The following PIK3CD variants were observed in gnomAD, a reference collection of about 807,000 sequenced individuals.
The protein encoded by PIK3CD is phosphatidylinositol-4,5-bisphosphate 3-kinase catalytic subunit delta.
In PIK3CD, 20 loss-of-function variants were observed where a neutral mutation model predicts 122.9. The ratio of observed to expected loss-of-function variants is 0.16; its 90% CI spans 0.11 to 0.24. PIK3CD has a LOEUF of 0.24. Among genes scored for constraint, PIK3CD ranks in the 10% least tolerant of loss-of-function variants. The pLI is 1.00. For missense variants in PIK3CD, 787 were observed against 1,406.3 expected (o/e 0.56, Z 7.04); for synonymous variants, 596 against 593.4 (o/e 1.00, Z -0.06).
At chr1:9,657,424 G>T (rs1430136614) in intron 1 of PIK3CD, among the ~76,000 whole-genome samples, 4 of 152,094 alleles carry the variant, frequency 2.6e-5, no homozygotes, top group Non-Finnish European at 5.9e-5. Flanking sequence ...TTGCAGGGAA[G>T]CCGCCCTGTT....
the PIK3CD span, among the ~76,000 whole-genome samples, chr1:9,629,968 GGGTCA>G: frequency 6.6e-6 from 1 of 152,250 alleles, no homozygotes; most frequent in Admixed American, 6.5e-5. Context: ...GGAAGCCCGG[GGGTCA>G]GAGGCGCCCA....
At chr1:9,636,289 G>A in the PIK3CD span, among the ~76,000 whole-genome samples, 6,322 of 152,254 alleles carry the variant, frequency 0.042, 171 homozygotes, top group Non-Finnish European at 0.064. Flanking sequence ...CACCTCCTGG[G>A]TTTAAGCAAT....
chr1:9,650,280 G>A (rs373192426), upstream of PIK3CD, among the ~76,000 whole-genome samples: 3 of 152,104 alleles, frequency 2.0e-5, no homozygotes, highest in African/African-American at 7.2e-5. Flanking sequence ...AAATTAGCCA[G>A]GCACGGTGGT....
intron 1 of PIK3CD, chr1:9,653,960 C>T (rs774223756): frequency 1.2e-5 from 16 of 1,354,666 alleles, no homozygotes; most frequent in African/African-American, 4.4e-5. Flanking sequence ...CATCCCAGTG[C>T]TTTGGGAGGC....
At position 9,719,908 on chromosome 1, in the gene PIK3CD, T is replaced by G; in HGVS notation, c.1243-13T>G. ...CCTGAGTGGCTGTCCTCACCTGCCCTGTCCTTCTGCAGGACTGCCCCATTG... is the reference window on the plus strand; with the variant it reads ...CCTGAGTGGCTGTCCTCACCTGCCCGGTCCTTCTGCAGGACTGCCCCATTG... On this transcript the variant is annotated splice_polypyrimidine_tract_variant and intron_variant, in intron 9 of 23. Transcript: ENST00000377346. The surrounding 1 kb of genome is among the most constrained non-coding windows in gnomAD (Gnocchi z 5.5). 6.2e-7 allele frequency: 1 copy of G among 1,611,080 alleles called. No homozygotes were observed. Among genetic ancestry groups the G allele is most frequent in the Non-Finnish European group, 8.5e-7 (1 of 1,177,784 alleles).
Position 9,720,505 on chromosome 1 carries a change from G to C in PIK3CD, c.1471-106G>C. On this transcript the variant is annotated intron_variant, in intron 11 of 23. Transcript: ENST00000377346. The surrounding 1 kb of genome is among the most constrained non-coding windows in gnomAD (Gnocchi z 9.0). ...TGCTGTGGATGCGCCTCCATGCAGAGGACAGCGCCCCCTCAAGGATGATTG... is the reference window on the plus strand; with the variant it reads ...TGCTGTGGATGCGCCTCCATGCAGACGACAGCGCCCCCTCAAGGATGATTG... 1.3e-6 allele frequency: 2 copies of C among 1,534,160 alleles called. No individual in the cohort carries two copies. The highest frequency in any genetic ancestry group is 8.8e-7 in the Non-Finnish European group (1 of 1,136,294).
chr1:9,726,857 A>C (rs1649729449), intron 23 of PIK3CD, 52 bp from the exon 24 acceptor site: 1 of 1,612,002 alleles, frequency 6.2e-7, no homozygotes, highest in Admixed American at 1.7e-5. Flanking sequence ...GACGCATCCC[A>C]GAGCAAGGTC....
rs1241624041 is a variant in PIK3CD, at chr1:9,710,932, T to A, written c.141+336T>A. ...TCCTGAGTAGCTGGGATTACAGGCA[T>A]GCACCATCACGCCCAACTAATTTTG... On this transcript the variant is annotated intron_variant, in intron 3 of 23. Coordinates refer to ENST00000377346, the MANE Select transcript of PIK3CD (RefSeq NM_005026.5). The surrounding 1 kb of genome is among the most constrained non-coding windows in gnomAD (Gnocchi z 4.7). Among the ~76,000 whole-genome samples, 1 of 151,946 alleles carries A rather than the reference T, an allele frequency of 6.6e-6. No individual in the cohort carries two copies. The highest frequency in any genetic ancestry group is 1.5e-5 in the Non-Finnish European group (1 of 67,972).
At chr1:9,667,537 C>T (rs920191050) in intron 1 of PIK3CD, among the ~76,000 whole-genome samples, 6 of 151,186 alleles carry the variant, frequency 4.0e-5, no homozygotes, top group African/African-American at 1.2e-4. Flanking sequence ...CCACCACGCC[C>T]GGCTAATTTT....
intron 15 of PIK3CD, 64 bp downstream of exon 15, chr1:9,721,651 CTG>C (rs1648676538): frequency 1.2e-6 from 2 of 1,609,562 alleles, no homozygotes; most frequent in African/African-American, 2.7e-5. Flanking sequence ...TGGAAGGCCA[CTG>C]GGGACGTTTC....
rs1647635462 is a variant in PIK3CD, at chr1:9,717,237, C to G, written c.930+129C>G. 8.2e-7 allele frequency: 1 copy of G among 1,219,464 alleles called. No individual in the cohort carries two copies. Among genetic ancestry groups the G allele is most frequent in the Non-Finnish European group, 1.2e-6 (1 of 845,178 alleles). 75.5% of individuals were successfully genotyped at this position (1,219,464 alleles called of 1,614,324 possible). A position where few individuals can be genotyped will look rare whatever the true frequency, so the allele number is the denominator to read the frequency against. On this transcript the variant is annotated intron_variant, in intron 7 of 23. Transcript: ENST00000377346. The surrounding 1 kb of genome is among the most constrained non-coding windows in gnomAD (Gnocchi z 5.4). ...GAGCTGGGGCTTTGAGCTGGGGAAG[C>G]CAACACAGCTGACCAGCGTCCTGGG...
intron 2 of PIK3CD, among the ~76,000 whole-genome samples, chr1:9,701,400 G>A (rs1298820005): frequency 2.6e-5 from 4 of 152,142 alleles, no homozygotes; most frequent in African/African-American, 7.2e-5. Flanking sequence ...AGCCGGGCGC[G>A]GTGGCTCACG....
the PIK3CD span, among the ~76,000 whole-genome samples, chr1:9,630,837 TGG>T: frequency 6.6e-6 from 1 of 152,054 alleles, no homozygotes; most frequent in Admixed American, 6.6e-5. Flanking sequence ...TGGGATGTTC[TGG>T]AGCTACAAGT....
rs1019271246 is a variant in PIK3CD, at chr1:9,704,117, C to G, written c.-32-6307C>G. Among the ~76,000 whole-genome samples the G allele has an allele frequency of 6.6e-6, 1 of 152,140 alleles. No individual in the cohort carries two copies. The highest frequency in any genetic ancestry group is 1.9e-4 in the East Asian group (1 of 5,190). On this transcript the variant is annotated intron_variant, in intron 2 of 23. Coordinates refer to ENST00000377346, the MANE Select transcript of PIK3CD (RefSeq NM_005026.5). This position sits in a 1 kb window ranked among gnomAD's most constrained non-coding sequence, Gnocchi z 5.0. ...GAGAGAGGTTCTTAGCCCAGAGAGA[C>G]GGAAGGCACTTCCACTTTCTCCTGT...
intron 1 of PIK3CD, among the ~76,000 whole-genome samples, chr1:9,661,793 G>A (rs762150148): frequency 2.0e-5 from 3 of 152,142 alleles, no homozygotes; most frequent in South Asian, 2.1e-4. Flanking sequence ...TTAAGAGATC[G>A]AGACCATCCT....
At chr1:9,665,832 C>T (rs964761471) in intron 1 of PIK3CD, among the ~76,000 whole-genome samples, 24 of 152,098 alleles carry the variant, frequency 1.6e-4, no homozygotes, top group African/African-American at 5.3e-4. Context: ...CCACTCACTG[C>T]GACCTCCGCC....
At chr1:9,683,998 C>T (rs1016743207) in intron 1 of PIK3CD, among the ~76,000 whole-genome samples, 4 of 152,138 alleles carry the variant, frequency 2.6e-5, no homozygotes, top group Admixed American at 6.6e-5. Context: ...TGCATGGCAG[C>T]GTCAGGGTAG....
chr1:9,701,931 G>T (rs1646647601), intron 2 of PIK3CD, among the ~76,000 whole-genome samples: 1 of 151,908 alleles, frequency 6.6e-6, no homozygotes, highest in South Asian at 2.1e-4. Context: ...GGAGCTCGGT[G>T]CCCAGAACAT....
upstream of PIK3CD, among the ~76,000 whole-genome samples, chr1:9,649,805 AC>A (rs1466664091): frequency 6.6e-6 from 1 of 151,952 alleles, no homozygotes; most frequent in East Asian, 1.9e-4. Context: ...CTCACCCACC[AC>A]CCCCATACTC....
Sources: gnomAD v4.1 joint callset for allele counts (sites outside exome capture counted in the v4.1 genomes callset) on GRCh38, gnomAD v4.1.1 for gene constraint, Gnocchi (gnomAD v3.1) non-coding constraint, MANE v1.5 for transcripts, NCBI Gene and HGNC (gene_info 2026-07-23, HGNC 2026-07-21) for gene names.